SMYD3: variants seen among roughly 807,000 people sequenced by gnomAD.
SMYD3 encodes the protein histone-lysine N-methyltransferase SMYD3.
Under a neutral mutation model 57.7 loss-of-function variants are expected in SMYD3, and 36 were observed. The ratio of observed to expected loss-of-function variants is 0.62; its 90% CI spans 0.48 to 0.82. The LOEUF is 0.82. Ranked by LOEUF, SMYD3 falls within the 40% of genes least tolerant of loss-of-function variation. SMYD3 has a pLI of 0.00. For missense variants in SMYD3, 515 were observed against 538.8 expected (o/e 0.96, Z 0.44); for synonymous variants, 211 against 195.0 (o/e 1.08, Z -0.68).
At chr1:246,482,948 A>G (rs2103061600) in intron 1 of SMYD3, among the ~76,000 whole-genome samples, 1 of 152,244 alleles carries the variant, frequency 6.6e-6, no homozygotes, top group South Asian at 2.1e-4. Context: ...AGATCTCTCA[A>G]GGGGATGAAA....
At chr1:246,118,573 C>T (rs1012605133) in intron 5 of SMYD3, among the ~76,000 whole-genome samples, 10 of 152,296 alleles carry the variant, frequency 6.6e-5, no homozygotes, top group Middle Eastern at 3.4e-3. Flanking sequence ...CAAACTGTGG[C>T]GTGTTCGTTT....
chr1:245,960,985 T>TA lies in SMYD3; in HGVS notation c.532-31049dup, dbSNP rs981278668. 1.6e-4 allele frequency among the ~76,000 whole-genome samples: 24 copies of TA among 151,858 alleles called. No individual in the cohort carries two copies. In the South Asian group the frequency reaches 2.1e-3, roughly 13 times the overall value. On this transcript the variant is annotated intron_variant, in intron 5 of 11. Coordinates refer to ENST00000490107, the MANE Select transcript of SMYD3 (RefSeq NM_001167740.2). ...TCTAGCTCCTTAAAATGGCAACATT[T>TA]AAAAAAAAATCTAACCTCCTTCTCC...
At position 246,348,952 on chromosome 1, in the gene SMYD3, G is replaced by GA. The variant is rs898415386; in HGVS notation, c.228+6078dup. Among the ~76,000 whole-genome samples, 38 of 150,700 alleles carry GA rather than the reference G, an allele frequency of 2.5e-4. 1 individual carries two copies. Among genetic ancestry groups the GA allele is most frequent in the Admixed American group, 2.0e-4 (3 of 15,150 alleles). On this transcript the variant is annotated intron_variant, in intron 2 of 11. Transcript: ENST00000490107. ...AGTGGAATGAAATAAAGTACTGAGAGAAAAAAAAATTACTAATCTAGAATT... is the reference window on the plus strand; with the variant it reads ...AGTGGAATGAAATAAAGTACTGAGAGAAAAAAAAAATTACTAATCTAGAATT...
intron 5 of SMYD3, among the ~76,000 whole-genome samples, chr1:246,248,631 C>CTTGTGTTTT (rs1309872022): frequency 8.4e-6 from 1 of 119,270 alleles, no homozygotes; most frequent in East Asian, 2.9e-4. Flanking sequence ...AGCTCTCTGA[C>CTTGTGTTTT]TTTCCTTTTT....
intron 5 of SMYD3, among the ~76,000 whole-genome samples, chr1:246,216,282 A>G (rs2063161938): frequency 7.0e-6 from 1 of 143,756 alleles, no homozygotes; most frequent in Non-Finnish European, 1.5e-5. Context: ...GTAAGACTCC[A>G]TTTCAAAAAA....
chr1:246,494,636 A>G (rs1488896332), intron 1 of SMYD3, among the ~76,000 whole-genome samples: 1 of 152,224 alleles, frequency 6.6e-6, no homozygotes, highest in Non-Finnish European at 1.5e-5. Flanking sequence ...CTACTACCCA[A>G]GGTTTCTTGA....
At chr1:246,142,656 C>T (rs2061776435) in intron 5 of SMYD3, among the ~76,000 whole-genome samples, 1 of 152,146 alleles carries the variant, frequency 6.6e-6, no homozygotes. Flanking sequence ...CAGTGCACGA[C>T]TGTAAACCTA....
chr1:246,478,839 C>T (rs55798322), intron 1 of SMYD3, among the ~76,000 whole-genome samples: 8 of 108,388 alleles, frequency 7.4e-5, no homozygotes, highest in Admixed American at 2.2e-4. Flanking sequence ...TGTCCTCCGT[C>T]CTGGAGCTGG....
chr1:246,480,681 T>G (rs2068088436), intron 1 of SMYD3, among the ~76,000 whole-genome samples: 2 of 152,186 alleles, frequency 1.3e-5, no homozygotes, highest in African/African-American at 2.4e-5. Flanking sequence ...TGAGTATCCA[T>G]AGAAAACATA....
intron 5 of SMYD3, among the ~76,000 whole-genome samples, chr1:246,054,241 T>C (rs1034357238): frequency 1.3e-5 from 2 of 151,942 alleles, no homozygotes; most frequent in Admixed American, 6.6e-5. Flanking sequence ...CGTATTAGAA[T>C]GGCTGAAATT....
chr1:245,910,877 A>G (rs1282363279), intron 8 of SMYD3, among the ~76,000 whole-genome samples: 1 of 152,158 alleles, frequency 6.6e-6, no homozygotes, highest in Non-Finnish European at 1.5e-5. Flanking sequence ...AGCACAGGCA[A>G]CCAAAGCAAA....
intron 8 of SMYD3, among the ~76,000 whole-genome samples, chr1:245,902,611 C>A (rs2054266937): frequency 6.6e-6 from 1 of 152,222 alleles, no homozygotes; most frequent in Non-Finnish European, 1.5e-5. Context: ...GCCACCATCA[C>A]CAGTACCTAC....
At chr1:245,939,043 G>A (rs2057106610) in intron 5 of SMYD3, among the ~76,000 whole-genome samples, 1 of 152,120 alleles carries the variant, frequency 6.6e-6, no homozygotes, top group South Asian at 2.1e-4. Flanking sequence ...CTACTCGGGA[G>A]GGTGAGGCAG....
intron 5 of SMYD3, among the ~76,000 whole-genome samples, chr1:246,140,257 A>G (rs922187779): frequency 3.9e-5 from 6 of 152,166 alleles, no homozygotes; most frequent in African/African-American, 1.4e-4. Flanking sequence ...TTCCAGCTCC[A>G]CCGCTTTGGA....
At chr1:246,121,102 T>C (rs75091220) in intron 5 of SMYD3, among the ~76,000 whole-genome samples, 3,784 of 152,292 alleles carry the variant, frequency 0.025, 170 homozygotes, top group African/African-American at 0.087. Context: ...AGACAGAACA[T>C]CATGTTGTGT....
At chr1:245,765,729 G>A (rs2046061641) in intron 10 of SMYD3, among the ~76,000 whole-genome samples, 1 of 152,030 alleles carries the variant, frequency 6.6e-6, no homozygotes, top group African/African-American at 2.4e-5. Context: ...AACGAGCAAG[G>A]GCACACTCTA....
intron 10 of SMYD3, among the ~76,000 whole-genome samples, chr1:245,793,263 C>T (rs1170486687): frequency 3.3e-5 from 5 of 151,612 alleles, no homozygotes; most frequent in Non-Finnish European, 2.9e-5. Context: ...GAGCCGAGAT[C>T]GTGCCACTGC....
At chr1:246,332,677 G>A (rs2065480004) in intron 3 of SMYD3, among the ~76,000 whole-genome samples, 1 of 152,182 alleles carries the variant, frequency 6.6e-6, no homozygotes, top group African/African-American at 2.4e-5. Flanking sequence ...CCATGGTGGT[G>A]GGCGCCTGTA....
intron 1 of SMYD3, among the ~76,000 whole-genome samples, chr1:246,441,611 T>A (rs1465433280): frequency 6.6e-6 from 1 of 152,170 alleles, no homozygotes; most frequent in Non-Finnish European, 1.5e-5. Context: ...TTTCTTTCTT[T>A]CTTTGTTTTT....
Sources: gnomAD v4.1 joint callset for allele counts (sites outside exome capture counted in the v4.1 genomes callset) on GRCh38, gnomAD v4.1.1 for gene constraint, MANE v1.5 for transcripts, NCBI Gene and HGNC (gene_info 2026-07-23, HGNC 2026-07-21) for gene names.